CLASP2: variants seen among roughly 807,000 people sequenced by gnomAD.
CLASP2 encodes the protein cytoplasmic linker associated protein 2, also known as CLIP-associating protein 2.
Under a neutral mutation model 194.4 loss-of-function variants are expected in CLASP2, and 47 were observed. The observed-to-expected ratio is 0.24, with a 90% CI of 0.19 to 0.31. The LOEUF is 0.31. Among genes scored for constraint, CLASP2 ranks in the 10% least tolerant of loss-of-function variants. The pLI is 1.00. For missense variants in CLASP2, 1,445 were observed against 1,823.6 expected (o/e 0.79, Z 3.78); for synonymous variants, 619 against 633.5 (o/e 0.98, Z 0.34).
intron 6 of CLASP2, among the ~76,000 whole-genome samples, chr3:33,672,054 C>T (rs996731377): frequency 3.3e-5 from 5 of 152,210 alleles, no homozygotes; most frequent in Non-Finnish European, 5.9e-5. Context: ...CCTCTGCAGA[C>T]TTAAATGTCC....
intron 1 of CLASP2, among the ~76,000 whole-genome samples, chr3:33,698,465 AACCAG>A (rs1364748755): frequency 6.6e-6 from 1 of 152,156 alleles, no homozygotes; most frequent in East Asian, 1.9e-4. Flanking sequence ...TGTTTCCCCC[AACCAG>A]ACCAGCAAGC....
intron 29 of CLASP2, among the ~76,000 whole-genome samples, chr3:33,554,033 C>A (rs150866200): frequency 2.2e-3 from 341 of 152,074 alleles, no homozygotes; most frequent in Middle Eastern, 0.014. Flanking sequence ...TCAAGGCCAG[C>A]CGGGGCCAAC....
intron 6 of CLASP2, among the ~76,000 whole-genome samples, chr3:33,668,552 A>G (rs569744799): frequency 9.9e-5 from 15 of 152,264 alleles, no homozygotes; most frequent in Non-Finnish European, 2.2e-4. Context: ...TAGTCTGAAG[A>G]AAGGTGTAAA....
chr3:33,684,241 A>G, intron 6 of CLASP2, 118 bp downstream of exon 6: 6 of 524,914 alleles, frequency 1.1e-5, no homozygotes, highest in Non-Finnish European at 1.9e-5. Flanking sequence ...GCAAGACTCC[A>G]TCTCAAAAAA....
chr3:33,540,992 C>T (rs1054735148), intron 32 of CLASP2, among the ~76,000 whole-genome samples: 6 of 151,996 alleles, frequency 3.9e-5, no homozygotes, highest in East Asian at 1.9e-4. Context: ...AGGCTGGTCT[C>T]GAACTCCTGA....
chr3:33,585,708 T>C (rs927583384), intron 21 of CLASP2, among the ~76,000 whole-genome samples: 1 of 152,140 alleles, frequency 6.6e-6, no homozygotes, highest in Non-Finnish European at 1.5e-5. Context: ...CAATACGCAG[T>C]CTTTTGTTCC....
At chr3:33,560,115 A>C (rs1171957133) in intron 28 of CLASP2, among the ~76,000 whole-genome samples, 3 of 152,250 alleles carry the variant, frequency 2.0e-5, no homozygotes, top group Non-Finnish European at 4.4e-5. Context: ...TTGGTTCAAA[A>C]CCTTCTGAAA....
intron 9 of CLASP2, chr3:33,627,356 T>C (rs2078236459): frequency 2.7e-6 from 1 of 371,022 alleles, no homozygotes; most frequent in Non-Finnish European, 5.0e-6. Context: ...ATGTAAAATA[T>C]CTAAGAATAA....
At chr3:33,581,516 T>C (rs2154210673) in intron 23 of CLASP2, among the ~76,000 whole-genome samples, 1 of 152,324 alleles carries the variant, frequency 6.6e-6, no homozygotes, top group African/African-American at 2.4e-5. Flanking sequence ...TAAATATCTT[T>C]AAATTTGCAG....
chr3:33,676,738 A>C (rs1242871359), intron 6 of CLASP2, among the ~76,000 whole-genome samples: 1 of 152,226 alleles, frequency 6.6e-6, no homozygotes, highest in Non-Finnish European at 1.5e-5. Context: ...CTGCACAGCA[A>C]AAGAAACTAC....
chr3:33,522,139 G>A (rs1397951640), intron 34 of CLASP2, among the ~76,000 whole-genome samples: 1 of 152,098 alleles, frequency 6.6e-6, no homozygotes, highest in African/African-American at 2.4e-5. Flanking sequence ...ACTATTGCAA[G>A]CCCTTCCCCC....
chr3:33,509,302 C>T (rs1157217630), intron 37 of CLASP2, among the ~76,000 whole-genome samples: 3 of 152,188 alleles, frequency 2.0e-5, no homozygotes, highest in Admixed American at 6.5e-5. Context: ...CCGCCAACTC[C>T]ACCTCTCGGG....
chr3:33,573,411 T>C, intron 24 of CLASP2, 57 bp from the exon 25 acceptor site: 2 of 1,538,056 alleles, frequency 1.3e-6, no homozygotes, highest in Admixed American at 1.8e-5. Flanking sequence ...TGGTATTTCA[T>C]AATTTCTACT....
At chr3:33,563,889 C>T in intron 27 of CLASP2, 1 of 456,202 alleles carries the variant, frequency 2.2e-6, no homozygotes, top group South Asian at 1.5e-5. Context: ...ACTCTTTATC[C>T]TTGAACACAC....
In CLASP2 at chr3:33,703,895, A is replaced by G. The variant is rs2092533197; in HGVS notation, c.196-6962T>C. Among the ~76,000 whole-genome samples the G allele has an allele frequency of 2.0e-5, 3 of 152,274 alleles. No individual in the cohort carries two copies. In the South Asian group the frequency reaches 6.2e-4, roughly 31 times the overall value. On this transcript the variant is annotated intron_variant, in intron 1 of 38. Coordinates refer to ENST00000682230, the MANE Select transcript of CLASP2 (RefSeq NM_001365631.1). ...ATGTAGTACATTCAGACAATGGAAT[A>G]GTATTCAGCACTAAAAGGAAATGAG... is the stretch of plus-strand genomic sequence containing the variant.
At chr3:33,620,997 TTGTGTGTGTGTG>T (rs60682503) in intron 11 of CLASP2, among the ~76,000 whole-genome samples, 2,236 of 142,654 alleles carry the variant, frequency 0.016, 22 homozygotes, top group Middle Eastern at 0.04. Flanking sequence ...CTGTAGCTCT[TTGTGTGTGTGTG>T]TGTGTGTGTG....
At chr3:33,601,162 G>A (rs574987525) in intron 18 of CLASP2, among the ~76,000 whole-genome samples, 14 of 152,000 alleles carry the variant, frequency 9.2e-5, no homozygotes, top group Non-Finnish European at 1.8e-4. Context: ...GTGTTTCACC[G>A]TGTTAGCCAG....
intron 10 of CLASP2, among the ~76,000 whole-genome samples, chr3:33,625,077 A>C (rs1368426370): frequency 1.3e-5 from 2 of 151,844 alleles, no homozygotes; most frequent in Non-Finnish European, 2.9e-5. Context: ...AAATAAAAGC[A>C]CCATTGTTAC....
chr3:33,526,718 A>G (rs993080132), intron 34 of CLASP2, among the ~76,000 whole-genome samples: 1 of 152,350 alleles, frequency 6.6e-6, no homozygotes, highest in Admixed American at 6.5e-5. Context: ...AAAATTGCCC[A>G]CATAATTGGA....
Sources: gnomAD v4.1 joint callset for allele counts (sites outside exome capture counted in the v4.1 genomes callset) on GRCh38, gnomAD v4.1.1 for gene constraint, MANE v1.5 for transcripts, NCBI Gene and HGNC (gene_info 2026-07-23, HGNC 2026-07-21) for gene names.